The following CFAP299 variants were observed in gnomAD, a reference collection of about 807,000 sequenced individuals.
CFAP299 encodes cilia and flagella associated protein 299.
A neutral mutation model predicts 27.0 loss-of-function variants in CFAP299; 21 were observed. The ratio of observed to expected loss-of-function variants is 0.78; its 90% confidence interval spans 0.55 to 1.12. CFAP299 has a LOEUF of 1.12. Among genes scored for constraint, CFAP299 ranks in the 50% most tolerant of loss-of-function variants. The probability of loss-of-function intolerance (pLI) is 0.00; values close to 1 mark genes in which losing one functional copy is unlikely to be tolerated. For synonymous variants in CFAP299, 104 were observed against 98.1 expected (o/e 1.06, Z -0.36); for missense variants, 310 against 276.6 (o/e 1.12, Z -0.86).
At chr4:80,473,210 G>T (rs896313901) in intron 2 of CFAP299, among the ~76,000 whole-genome samples, 1 of 152,052 alleles carries the variant, frequency 6.6e-6, no homozygotes, top group African/African-American at 2.4e-5. Flanking sequence ...CTGCATAGAG[G>T]GGGATACAGC....
At chr4:80,540,412 A>G (rs1436967188) in intron 2 of CFAP299, among the ~76,000 whole-genome samples, 1 of 152,252 alleles carries the variant, frequency 6.6e-6, no homozygotes, top group Non-Finnish European at 1.5e-5. Flanking sequence ...CAGGTTCAGT[A>G]AATAATGTTA....
chr4:80,376,289 T>C (rs1177453097), intron 2 of CFAP299, among the ~76,000 whole-genome samples: 1 of 152,226 alleles, frequency 6.6e-6, no homozygotes, highest in African/African-American at 2.4e-5. Context: ...AGGTGGATAA[T>C]AGTTTGTGTA....
intron 3 of CFAP299, among the ~76,000 whole-genome samples, chr4:80,629,182 C>T (rs1739077755): frequency 6.6e-6 from 1 of 152,094 alleles, no homozygotes; most frequent in African/African-American, 2.4e-5. Context: ...ACCTGGAGGA[C>T]ATTATGTTGA....
chr4:80,567,453 C>T (rs933957594), intron 2 of CFAP299, among the ~76,000 whole-genome samples: 7 of 151,980 alleles, frequency 4.6e-5, no homozygotes, highest in Admixed American at 2.6e-4. Flanking sequence ...ACAAATCTCT[C>T]CAAATGTAAC....
chr4:80,325,812 A>C, the CFAP299 span, among the ~76,000 whole-genome samples: 3 of 152,338 alleles, frequency 2.0e-5, no homozygotes, highest in African/African-American at 7.2e-5. Flanking sequence ...TCTATAGATG[A>C]AGGAAAGAGT....
At chr4:80,708,585 T>C (rs947153372) in intron 3 of CFAP299, among the ~76,000 whole-genome samples, 1 of 152,128 alleles carries the variant, frequency 6.6e-6, no homozygotes, top group African/African-American at 2.4e-5. Flanking sequence ...TGTTAAAATA[T>C]TTATGAAAAA....
At chr4:80,362,496 G>A (rs1723598423) in intron 1 of CFAP299, among the ~76,000 whole-genome samples, 1 of 135,206 alleles carries the variant, frequency 7.4e-6, no homozygotes, top group Admixed American at 7.8e-5. Flanking sequence ...TAATCCCTTA[G>A]AGAAAAATTA....
intron 2 of CFAP299, among the ~76,000 whole-genome samples, chr4:80,440,240 C>T (rs1464236398): frequency 2.0e-5 from 3 of 152,170 alleles, no homozygotes; most frequent in Non-Finnish European, 4.4e-5. Context: ...GTCCCTGACC[C>T]CCATGCCTCC....
intron 3 of CFAP299, among the ~76,000 whole-genome samples, chr4:80,759,914 T>G (rs1002914545): frequency 2.4e-4 from 37 of 152,242 alleles, no homozygotes; most frequent in African/African-American, 8.9e-4. Flanking sequence ...CATGGCAATT[T>G]TGTATTTGGT....
chr4:80,402,128 C>G (rs1726194310), intron 2 of CFAP299, among the ~76,000 whole-genome samples: 2 of 152,146 alleles, frequency 1.3e-5, no homozygotes, highest in African/African-American at 4.8e-5. Context: ...GGCTCATAGG[C>G]AGAAGGGACT....
chr4:80,697,154 G>C (rs1027642474), intron 3 of CFAP299, among the ~76,000 whole-genome samples: 1 of 151,792 alleles, frequency 6.6e-6, no homozygotes, highest in African/African-American at 2.4e-5. Context: ...GACCAGCCTG[G>C]GAAACATAGT....
intron 2 of CFAP299, among the ~76,000 whole-genome samples, chr4:80,435,673 G>T (rs1485780306): frequency 6.6e-6 from 1 of 152,144 alleles, no homozygotes; most frequent in Non-Finnish European, 1.5e-5. Context: ...TTGAGCAAAG[G>T]GCTTTGAATT....
At chr4:80,899,061 C>G (rs545468958) in intron 4 of CFAP299, among the ~76,000 whole-genome samples, 1 of 152,292 alleles carries the variant, frequency 6.6e-6, no homozygotes, top group East Asian at 1.9e-4. Context: ...AGTCTCTGCC[C>G]CTTGCTTGAT....
At chr4:80,607,864 A>T (rs146893676) in intron 3 of CFAP299, among the ~76,000 whole-genome samples, 1 of 152,164 alleles carries the variant, frequency 6.6e-6, no homozygotes, top group South Asian at 2.1e-4. Context: ...ATGCTGTGGG[A>T]ATAGAAATGT....
chr4:80,875,957 C>G lies in CFAP299; in HGVS notation c.476+5822C>G, dbSNP rs566075629. Among the ~76,000 whole-genome samples, 175 of 151,890 alleles carry G rather than the reference C, an allele frequency of 1.2e-3. 1 individual carries two copies. Among genetic ancestry groups the G allele is most frequent in the African/African-American group, 4.1e-3 (168 of 41,402 alleles). On this transcript the variant is annotated intron_variant, in intron 4 of 5. Transcript: ENST00000358105. ...CCACTACGTGTGAGTTTATTTCAGC[C>G]CTTGGTCTCCCTCAGGTTGTTCCAT... is the stretch of plus-strand genomic sequence containing the variant.
At chr4:80,499,593 C>A (rs1731641370) in intron 2 of CFAP299, among the ~76,000 whole-genome samples, 1 of 151,984 alleles carries the variant, frequency 6.6e-6, no homozygotes, top group African/African-American at 2.4e-5. Context: ...TTAACAGGAT[C>A]TACTTAGATT....
At chr4:80,365,005 A>G (rs1045784989) in intron 2 of CFAP299, among the ~76,000 whole-genome samples, 1 of 152,120 alleles carries the variant, frequency 6.6e-6, no homozygotes, top group Non-Finnish European at 1.5e-5. Flanking sequence ...TCAGTCTATC[A>G]TTGATGAGCA....
Position 80,399,157 on chromosome 4 carries a change from G to T in CFAP299, c.242+36273G>T, listed in dbSNP as rs535181889. Reference sequence around the variant, plus strand: ...CACAATGAGATACCATCTTACACCAGTTAGAATGGCGATCATTAAAAATTC... The same window carrying T: ...CACAATGAGATACCATCTTACACCATTTAGAATGGCGATCATTAAAAATTC... On this transcript the variant is annotated intron_variant, in intron 2 of 5. Transcript: ENST00000358105. Among the ~76,000 whole-genome samples, 4 of 152,290 alleles carry T rather than the reference G, an allele frequency of 2.6e-5. No homozygotes were observed. The South Asian group carries it at 8.3e-4, about 32-fold the overall frequency.
intron 2 of CFAP299, among the ~76,000 whole-genome samples, chr4:80,423,319 A>G (rs1423637780): frequency 6.6e-6 from 1 of 152,246 alleles, no homozygotes; most frequent in Admixed American, 6.5e-5. Flanking sequence ...CAAAAATTCA[A>G]CAATTAATAA....
Sources: allele counts gnomAD v4.1 joint callset (sites outside exome capture counted in the v4.1 genomes callset), GRCh38; gene constraint gnomAD v4.1.1; transcripts MANE v1.5; gene names NCBI Gene and HGNC (gene_info 2026-07-23, HGNC 2026-07-21).